FGF14: variants seen among roughly 807,000 people sequenced by gnomAD.
The protein encoded by FGF14 is fibroblast growth factor homologous factor 4.
FGF14 carries 5 observed loss-of-function variants against 25.5 expected under a neutral mutation model. That is an observed-to-expected ratio of 0.20 (90% CI 0.10 to 0.41). The LOEUF (loss-of-function observed/expected upper bound fraction) is 0.41. Among genes scored for constraint, FGF14 ranks in the 10% least tolerant of loss-of-function variants. The pLI is 1.00. For synonymous variants in FGF14, 138 were observed against 118.3 expected (o/e 1.17, Z -1.08); for missense variants, 222 against 320.1 (o/e 0.69, Z 2.34).
chr13:101,739,113 A>ATATATATATATATATATACATG lies in FGF14; in HGVS notation c.409-12304_409-12303insCATGTATATATATATATATATA, dbSNP rs1566838976. Among the ~76,000 whole-genome samples the ATATATATATATATATATACATG allele has an allele frequency of 7.4e-4, 6 of 8,106 alleles. 1 individual carries two copies. Among genetic ancestry groups the ATATATATATATATATATACATG allele is most frequent in the Admixed American group, 2.8e-3 (1 of 354 alleles). 5.3% of individuals were successfully genotyped at this position (8,106 alleles called of 152,430 possible). ...AGTATATATATATATATATACATGT[A>ATATATATATATATATATACATG]TATATATATATATATATACCATTAC... is the stretch of plus-strand genomic sequence containing the variant. On this transcript the variant is annotated intron_variant, in intron 3 of 4. Transcript: ENST00000376143.
intron 1 of FGF14, among the ~76,000 whole-genome samples, chr13:102,187,805 A>G (rs2048935573): frequency 6.6e-6 from 1 of 152,206 alleles, no homozygotes; most frequent in Admixed American, 6.5e-5. Context: ...ATTTAAGACT[A>G]GGCCCTTTTC....
At chr13:102,388,235 T>C (rs1454899643) in intron 1 of FGF14, among the ~76,000 whole-genome samples, 1 of 152,068 alleles carries the variant, frequency 6.6e-6, no homozygotes, top group African/African-American at 2.4e-5. Flanking sequence ...TCAAAGCCAT[T>C]CTCCCCTTAT....
chr13:102,319,852 C>T (rs2056176639), intron 1 of FGF14, among the ~76,000 whole-genome samples: 1 of 152,006 alleles, frequency 6.6e-6, no homozygotes, highest in Non-Finnish European at 1.5e-5. Context: ...CATAGATGTG[C>T]CAAATGCTAT....
Position 101,949,640 on chromosome 13 carries a change from C to T in FGF14, c.209-74344G>A, listed in dbSNP as rs551444248. Reference sequence around the variant, plus strand: ...GAGGGCTCATGCATATTCCCAAATGCCTATATTTTCCCCAGAAAGATGTTA... The same window carrying T: ...GAGGGCTCATGCATATTCCCAAATGTCTATATTTTCCCCAGAAAGATGTTA... On this transcript the variant is annotated intron_variant, in intron 1 of 4. Transcript: ENST00000376131. 6.6e-5 allele frequency among the ~76,000 whole-genome samples: 10 copies of T among 152,176 alleles called. No homozygotes were observed. In the South Asian group the frequency reaches 1.2e-3, roughly 19 times the overall value.
At chr13:101,729,590 T>C (rs771190081) in intron 3 of FGF14, among the ~76,000 whole-genome samples, 1 of 152,130 alleles carries the variant, frequency 6.6e-6, no homozygotes, top group Non-Finnish European at 1.5e-5. Flanking sequence ...ACAAAAATCA[T>C]AGGGCAATAA....
At chr13:102,170,799 C>A (rs78727073) in intron 1 of FGF14, among the ~76,000 whole-genome samples, 2,045 of 152,236 alleles carry the variant, frequency 0.013, 44 homozygotes, top group African/African-American at 0.047. Flanking sequence ...TGTTTTTCTT[C>A]TATGTTCTTA....
chr13:101,998,903 T>G (rs1484679868), intron 1 of FGF14, among the ~76,000 whole-genome samples: 1 of 152,232 alleles, frequency 6.6e-6, no homozygotes, highest in South Asian at 2.1e-4. Flanking sequence ...CTCTACAGTA[T>G]GTGCTTATTA....
In FGF14 at chr13:102,321,884, A is replaced by C. The variant is rs17633309; in HGVS notation, c.208+79587T>G. Among the ~76,000 whole-genome samples the C allele has an allele frequency of 7.0e-3, 1,068 of 152,344 alleles. 28 individuals carry two copies. The highest frequency in any genetic ancestry group is 0.054 in the Admixed American group (826 of 15,294). On this transcript the variant is annotated intron_variant, in intron 1 of 4. Coordinates refer to the FGF14 transcript ENST00000376131. ...CCAATGTCCCATTTTAACTGTCTTC[A>C]AACCCAAAGGTAGAAAGTGGCATTT... is the stretch of plus-strand genomic sequence containing the variant.
At chr13:102,050,917 C>A (rs1375420717) in intron 1 of FGF14, among the ~76,000 whole-genome samples, 1 of 152,214 alleles carries the variant, frequency 6.6e-6, no homozygotes, top group East Asian at 1.9e-4. Flanking sequence ...AGGATACTGG[C>A]ATATCTTGCC....
chr13:101,943,864 T>A (rs1594787788), intron 1 of FGF14, among the ~76,000 whole-genome samples: 1 of 144,686 alleles, frequency 6.9e-6, no homozygotes, highest in African/African-American at 2.6e-5. Context: ...TAGCCAGGTG[T>A]GGTGGCGCAT....
At chr13:101,908,089 G>T (rs1255212299) in intron 1 of FGF14, among the ~76,000 whole-genome samples, 1 of 152,146 alleles carries the variant, frequency 6.6e-6, no homozygotes, top group African/African-American at 2.4e-5. Context: ...GACATAAGAG[G>T]TTTGAAGGGA....
chr13:101,819,836 CTT>C (rs1430202036), intron 3 of FGF14, among the ~76,000 whole-genome samples: 1 of 152,044 alleles, frequency 6.6e-6, no homozygotes, highest in Admixed American at 6.5e-5. Flanking sequence ...TAAATCCTCA[CTT>C]TTGCACAGCC....
Position 101,722,850 on chromosome 13 carries a change from T to TTGAC in FGF14, c.721_724dup (p.Asn242SerfsTer5). On this transcript the variant is annotated frameshift_variant, in exon 5 of 5. Coordinates refer to ENST00000376143, the MANE Select transcript of FGF14 (RefSeq NM_004115.4). LOFTEE classifies it high-confidence loss of function. ...ATCTGGCTATGTTGTCTTACTCTTG[T>TTGAC]TGACTGGTTTGCCTCCATTCATTAT... 2.5e-6 allele frequency: 4 copies of TTGAC among 1,613,344 alleles called. No individual in the cohort carries two copies. In the South Asian group the frequency reaches 4.4e-5, roughly 18 times the overall value.
intron 3 of FGF14, among the ~76,000 whole-genome samples, chr13:101,827,014 T>C (rs1184514546): frequency 1.3e-5 from 2 of 151,992 alleles, no homozygotes; most frequent in Non-Finnish European, 1.5e-5. Context: ...AATCTTACTT[T>C]GTAGGAAATA....
At chr13:102,049,503 A>T (rs879232111) in intron 1 of FGF14, among the ~76,000 whole-genome samples, 1 of 152,198 alleles carries the variant, frequency 6.6e-6, no homozygotes, top group Admixed American at 6.5e-5. Context: ...TGGATTTCCA[A>T]AAGTCCAAAT....
chr13:102,098,440 TTA>T (rs1483668202), intron 1 of FGF14, among the ~76,000 whole-genome samples: 4 of 152,236 alleles, frequency 2.6e-5, no homozygotes, highest in African/African-American at 9.6e-5. Flanking sequence ...CATATACTTT[TTA>T]TGTTTTTATG....
At chr13:101,997,364 T>C (rs969424445) in intron 1 of FGF14, among the ~76,000 whole-genome samples, 1 of 152,230 alleles carries the variant, frequency 6.6e-6, no homozygotes, top group Non-Finnish European at 1.5e-5. Flanking sequence ...GTTTTCAAGT[T>C]GATTGGTTAC....
rs2034697004 is a variant in FGF14, at chr13:101,715,831, A to C, written c.*7000T>G. ...TATTAGAAATGAGTTATGCAAATTT[A>C]GATGCAAATAACATTAGAAAAAAAA... On this transcript the variant is annotated 3_prime_UTR_variant, in exon 5 of 5. Coordinates refer to ENST00000376143, the MANE Select transcript of FGF14 (RefSeq NM_004115.4). 2.1e-6 allele frequency: 1 copy of C among 477,204 alleles called. No individual in the cohort carries two copies. The highest frequency in any genetic ancestry group is 3.2e-5 in the East Asian group (1 of 30,802). The allele number at this position is 477,204 out of a possible 1,614,324, so 29.6% of individuals were successfully genotyped here. A position where few individuals can be genotyped will look rare whatever the true frequency, so the allele number is the denominator to read the frequency against.
chr13:102,276,349 GTGTGTATATATATA>G (rs1290108303), intron 1 of FGF14, among the ~76,000 whole-genome samples: 2 of 32,762 alleles, frequency 6.1e-5, no homozygotes, highest in Admixed American at 3.9e-4. Flanking sequence ...GTGTGTGTGT[GTGTGTATATATATA>G]TATATATATA....
Sources: gnomAD v4.1 joint callset for allele counts (sites outside exome capture counted in the v4.1 genomes callset) on GRCh38, gnomAD v4.1.1 for gene constraint, MANE v1.5 for transcripts, NCBI Gene and HGNC (gene_info 2026-07-23, HGNC 2026-07-21) for gene names.